Variants in PPTC7 observed in about 807,000 individuals in gnomAD.
PPTC7 encodes the protein protein phosphatase targeting COQ7, also known as protein phosphatase PTC7 homolog.
PPTC7 carries 6 observed loss-of-function variants against 30.8 expected under a neutral mutation model. That is an observed-to-expected ratio of 0.19 (90% CI 0.11 to 0.38). The LOEUF (loss-of-function observed/expected upper bound fraction) is 0.38. PPTC7 is among the 10% of genes least tolerant of loss of function. The pLI, the probability that PPTC7 is intolerant of heterozygous loss-of-function variation, is 1.00. For missense variants in PPTC7, 218 were observed against 404.8 expected (o/e 0.54, Z 3.96); for synonymous variants, 163 against 168.1 (o/e 0.97, Z 0.23).
At chr12:110,558,863 C>G (rs905178328) in intron 1 of PPTC7, among the ~76,000 whole-genome samples, 2 of 152,216 alleles carry the variant, frequency 1.3e-5, no homozygotes, top group Middle Eastern at 3.2e-3. Flanking sequence ...GCCTCGGCCT[C>G]CCAAAGTGCT....
rs572936083 is a variant in PPTC7, at chr12:110,576,330, C to G, written c.223+6479G>C. 1.1e-4 allele frequency among the ~76,000 whole-genome samples: 16 copies of G among 152,072 alleles called. No individual in the cohort carries two copies. In the South Asian group the frequency reaches 3.3e-3, roughly 32 times the overall value. ...CATAAAAAAACAGCTATATTCCTCA[C>G]AAAGTTAAACAGGGTTACAATATGA... On this transcript the variant is annotated intron_variant, in intron 1 of 5. Coordinates refer to ENST00000354300, the MANE Select transcript of PPTC7 (RefSeq NM_139283.2).
At chr12:110,562,887 C>G (rs1165586704) in intron 1 of PPTC7, among the ~76,000 whole-genome samples, 1 of 150,442 alleles carries the variant, frequency 6.6e-6, no homozygotes, top group South Asian at 2.1e-4. Flanking sequence ...TTTGGGAGGT[C>G]GAGGCGGGTG....
intron 1 of PPTC7, among the ~76,000 whole-genome samples, chr12:110,576,642 T>C (rs1347994239): frequency 2.6e-5 from 4 of 152,098 alleles, no homozygotes; most frequent in Non-Finnish European, 5.9e-5. Flanking sequence ...ACACGATCCA[T>C]TTGTATGAAA....
chr12:110,547,912 C>G (rs1382573679), intron 2 of PPTC7, among the ~76,000 whole-genome samples: 2 of 152,036 alleles, frequency 1.3e-5, no homozygotes, highest in East Asian at 3.8e-4. Flanking sequence ...CGAGACTAAG[C>G]CTGGCCAACA....
In PPTC7 at chr12:110,544,933, T is replaced by C. The variant is rs78115243; in HGVS notation, c.602+947A>G. Among the ~76,000 whole-genome samples the C allele has an allele frequency of 8.0e-3, 1,221 of 152,148 alleles. 22 individuals carry two copies. Among genetic ancestry groups the C allele is most frequent in the African/African-American group, 0.028 (1,169 of 41,502 alleles). On this transcript the variant is annotated intron_variant, in intron 3 of 5. Coordinates refer to ENST00000354300, the MANE Select transcript of PPTC7 (RefSeq NM_139283.2). ...GAGAAAGAAAAAGAGAACACCTCAA[T>C]AACATTATCAAAGAACATATCCAAG... is the stretch of plus-strand genomic sequence containing the variant.
intron 2 of PPTC7, among the ~76,000 whole-genome samples, chr12:110,548,031 C>T (rs1056260527): frequency 1.3e-5 from 2 of 151,184 alleles, no homozygotes; most frequent in Non-Finnish European, 2.9e-5. Context: ...TGTTTGAACC[C>T]GGGGGGCAGA....
At chr12:110,553,199 G>A (rs1412731485) in intron 1 of PPTC7, among the ~76,000 whole-genome samples, 1 of 148,426 alleles carries the variant, frequency 6.7e-6, no homozygotes, top group Non-Finnish European at 1.5e-5. Flanking sequence ...CACCAGGCTG[G>A]AGCAGTGGCG....
rs143723192 is a variant in PPTC7 at position 110,564,847 on chromosome 12, T to C, written c.224-12879A>G. ...TATATACATACACGTTATATATATA[T>C]ACACGTATATGTATATGTGTATATA... is the stretch of plus-strand genomic sequence containing the variant. On this transcript the variant is annotated intron_variant, in intron 1 of 5. Coordinates refer to ENST00000354300, the MANE Select transcript of PPTC7 (RefSeq NM_139283.2). Among the ~76,000 whole-genome samples the C allele has an allele frequency of 1.1e-3, 127 of 119,196 alleles. 1 individual carries two copies. Among genetic ancestry groups the C allele is most frequent in the African/African-American group, 2.6e-3 (68 of 26,494 alleles). The allele number at this position is 119,196 out of a possible 152,430, so 78.2% of individuals were successfully genotyped here.
At chr12:110,555,117 A>G (rs1212173710) in intron 1 of PPTC7, among the ~76,000 whole-genome samples, 1 of 152,244 alleles carries the variant, frequency 6.6e-6, no homozygotes, top group Non-Finnish European at 1.5e-5. Flanking sequence ...TTGGCTTAAC[A>G]TGAATTGGAC....
At chr12:110,545,346 G>C (rs999925248) in intron 3 of PPTC7, among the ~76,000 whole-genome samples, 1 of 152,202 alleles carries the variant, frequency 6.6e-6, no homozygotes, top group Non-Finnish European at 1.5e-5. Flanking sequence ...ACCCGCCTCA[G>C]CCTCCCAAAG....
chr12:110,582,858 G>A lies in PPTC7; in HGVS notation c.174C>T (p.Tyr58=), dbSNP rs1166837011. The A allele has an allele frequency of 1.9e-6, 3 of 1,560,168 alleles. No homozygotes were observed. Among genetic ancestry groups the A allele is most frequent in the African/African-American group, 2.7e-5 (2 of 73,586 alleles). Residue 58 remains tyrosine, a synonymous_variant, in exon 1 of 6, where the codon TAC becomes TAT. Transcript: ENST00000354300. Reference sequence around the variant, plus strand: ...GGGCCACGAAGCACGCGTCGTCCCCGTAGCACGCGCCCTTCTTGAGGAGGC... The same window carrying A: ...GGGCCACGAAGCACGCGTCGTCCCCATAGCACGCGCCCTTCTTGAGGAGGC... ...RKGLLKKGAC[Y]GDDACFVARH...
intron 1 of PPTC7, among the ~76,000 whole-genome samples, chr12:110,557,221 C>T (rs930160843): frequency 1.3e-5 from 2 of 152,154 alleles, no homozygotes; most frequent in Non-Finnish European, 2.9e-5. Context: ...GTGTAAAATA[C>T]ATTCTGGATT....
In PPTC7 at chr12:110,571,498, C is replaced by A. The variant is rs143069849; in HGVS notation, c.223+11311G>T. 6.9e-3 allele frequency among the ~76,000 whole-genome samples: 1,043 copies of A among 151,726 alleles called. 1 individual carries two copies. The highest frequency in any genetic ancestry group is 9.4e-3 in the Non-Finnish European group (636 of 67,862). On this transcript the variant is annotated intron_variant, in intron 1 of 5. Transcript: ENST00000354300. ...GAAGCTGTTTAATAGATTGTAATGA[C>A]AACACAAGGAAAAAATCCCAGATGT...
intron 2 of PPTC7, among the ~76,000 whole-genome samples, chr12:110,547,825 T>A (rs2064320259): frequency 2.6e-5 from 4 of 152,130 alleles, no homozygotes; most frequent in African/African-American, 9.7e-5. Flanking sequence ...GGAGAATAGT[T>A]CAGGCGTGGT....
chr12:110,540,321 C>CCTTT (rs377082561), intron 3 of PPTC7, among the ~76,000 whole-genome samples: 17 of 104,990 alleles, frequency 1.6e-4, no homozygotes, highest in Non-Finnish European at 2.4e-4. Context: ...CCCCCCCCGC[C>CCTTT]TTTTTTTTTT....
At chr12:110,543,195 C>A (rs184614385) in intron 3 of PPTC7, among the ~76,000 whole-genome samples, 4 of 152,274 alleles carry the variant, frequency 2.6e-5, no homozygotes, top group African/African-American at 9.6e-5. Flanking sequence ...AGCACACATG[C>A]CTATGAGGAT....
Position 110,551,916 on chromosome 12 carries a change from T to C in PPTC7, c.276A>G (p.Gln92=), listed in dbSNP as rs1253216883. ...GWRDYGVDPS[Q]FSGTLMRTCE... is the part of the protein sequence containing the mutation. ...ACGTCCGCATTAAAGTCCCTGAGAA[T>C]TGAGATGGATCAACTCCATAGTCTC... The change falls in exon 2 of 6, where the codon CAA becomes CAG. Residue 92 remains glutamine, a synonymous_variant. Coordinates refer to ENST00000354300, the MANE Select transcript of PPTC7 (RefSeq NM_139283.2). 2 of 1,614,198 alleles carry C rather than the reference T, an allele frequency of 1.2e-6. No homozygotes were observed. The highest frequency in any genetic ancestry group is 1.7e-5 in the Admixed American group (1 of 60,018).
intron 1 of PPTC7, among the ~76,000 whole-genome samples, chr12:110,575,607 CA>C (rs55831249): frequency 0.03 from 793 of 26,510 alleles, 4 homozygotes; most frequent in African/African-American, 0.091. Flanking sequence ...AACCCCACCT[CA>C]AAAAAAAAAA....
intron 1 of PPTC7, among the ~76,000 whole-genome samples, chr12:110,574,292 T>G (rs1039031027): frequency 1.3e-5 from 2 of 151,764 alleles, no homozygotes; most frequent in African/African-American, 4.8e-5. Flanking sequence ...TCACATTAAG[T>G]GGAGATAAGA....
Sources: allele counts gnomAD v4.1 joint callset (sites outside exome capture counted in the v4.1 genomes callset), GRCh38; gene constraint gnomAD v4.1.1; transcripts MANE v1.5; gene names NCBI Gene and HGNC (gene_info 2026-07-23, HGNC 2026-07-21).